Variants in MAP4K5 observed in about 807,000 individuals in gnomAD.
MAP4K5 encodes the protein mitogen-activated protein kinase kinase kinase kinase 5, also known as MAPK/ERK kinase kinase kinase 5.
In MAP4K5, 82 loss-of-function variants were observed where a neutral mutation model predicts 135.6. The observed-to-expected ratio is 0.60, with a 90% CI of 0.51 to 0.73. The LOEUF (loss-of-function observed/expected upper bound fraction) is 0.73, where lower values mean the gene tolerates loss of function less well. MAP4K5 is among the 30% of genes least tolerant of loss of function. MAP4K5 has a pLI of 0.00. For synonymous variants in MAP4K5, 347 were observed against 335.0 expected, an observed-to-expected ratio of 1.04 and a Z score of -0.39; for missense variants, 907 against 1,010.9, an observed-to-expected ratio of 0.90 and a Z score of 1.39.
At chr14:50,525,314 T>C (rs530264285) in intron 2 of MAP4K5, among the ~76,000 whole-genome samples, 192 of 152,356 alleles carry the variant, frequency 1.3e-3, no homozygotes, top group Non-Finnish European at 2.3e-3. Context: ...CCAGAAATTC[T>C]AAATGCCATC....
intron 21 of MAP4K5, among the ~76,000 whole-genome samples, chr14:50,441,797 C>CATAT (rs946929784): frequency 7.5e-6 from 1 of 132,520 alleles, no homozygotes; most frequent in African/African-American, 3.1e-5. Context: ...CACACACACA[C>CATAT]ATATATATAC....
intron 9 of MAP4K5, among the ~76,000 whole-genome samples, chr14:50,473,465 T>C (rs2037014661): frequency 7.2e-5 from 11 of 152,192 alleles, no homozygotes; most frequent in Non-Finnish European, 1.5e-5. Flanking sequence ...CTGCTTCTAA[T>C]GAGACATTCT....
At chr14:50,509,883 A>G (rs533989168) in intron 2 of MAP4K5, among the ~76,000 whole-genome samples, 47 of 152,326 alleles carry the variant, frequency 3.1e-4, no homozygotes, top group African/African-American at 6.0e-4. Context: ...AACATACAGT[A>G]TAAGTTTACA....
In MAP4K5 at chr14:50,444,044, GA is replaced by G; in HGVS notation, c.1340-9del. ...AAATACCATCACCATTTCCTAAAGA[GA>G]ATCATGTTAAAAGTTGAATGACCAC... On this transcript the variant is annotated splice_polypyrimidine_tract_variant and intron_variant, in intron 18 of 32. Coordinates refer to ENST00000682126, the MANE Select transcript of MAP4K5 (RefSeq NM_006575.6). The G allele has an allele frequency of 6.4e-7, 1 of 1,574,656 alleles. No individual in the cohort carries two copies. Among genetic ancestry groups the G allele is most frequent in the Non-Finnish European group, 8.7e-7 (1 of 1,152,724 alleles).
intron 23 of MAP4K5, among the ~76,000 whole-genome samples, chr14:50,439,307 A>G (rs919049168): frequency 6.6e-6 from 1 of 150,984 alleles, no homozygotes; most frequent in Admixed American, 6.6e-5. Context: ...AAAATATAAG[A>G]AAATATTTTT....
chr14:50,534,696 G>A (rs890031228), upstream of MAP4K5, among the ~76,000 whole-genome samples: 4 of 152,202 alleles, frequency 2.6e-5, no homozygotes, highest in Admixed American at 6.5e-5. Flanking sequence ...TTAAAAAGTC[G>A]AGACTCTATG....
At chr14:50,492,439 C>T (rs894564631) in intron 3 of MAP4K5, among the ~76,000 whole-genome samples, 1 of 151,652 alleles carries the variant, frequency 6.6e-6, no homozygotes, top group Non-Finnish European at 1.5e-5. Context: ...AAAAAAAACA[C>T]AAAAATTAGC....
intron 2 of MAP4K5, among the ~76,000 whole-genome samples, chr14:50,516,194 T>C (rs2038029630): frequency 6.6e-6 from 1 of 152,244 alleles, no homozygotes; most frequent in Non-Finnish European, 1.5e-5. Context: ...GTAAACTATC[T>C]GTGAAACATA....
chr14:50,506,532 T>C (rs1051826555), intron 2 of MAP4K5, among the ~76,000 whole-genome samples: 3 of 152,156 alleles, frequency 2.0e-5, no homozygotes, highest in African/African-American at 7.2e-5. Flanking sequence ...CTAACTGTTG[T>C]ACTTTTTGTA....
chr14:50,437,236 G>T (rs988531408), intron 26 of MAP4K5, among the ~76,000 whole-genome samples: 1 of 152,100 alleles, frequency 6.6e-6, no homozygotes, highest in Non-Finnish European at 1.5e-5. Context: ...CAGCCTCAGG[G>T]ACTATGGTTA....
At chr14:50,443,158 T>C (rs951378710) in intron 20 of MAP4K5, among the ~76,000 whole-genome samples, 6 of 152,206 alleles carry the variant, frequency 3.9e-5, no homozygotes, top group Non-Finnish European at 7.4e-5. Flanking sequence ...AGTAACATTA[T>C]AGTGATTACA....
chr14:50,451,792 T>C (rs2036493140), intron 14 of MAP4K5, among the ~76,000 whole-genome samples: 1 of 152,096 alleles, frequency 6.6e-6, no homozygotes, highest in African/African-American at 2.4e-5. Flanking sequence ...AAACAAAACG[T>C]GTCTTGAGTT....
chr14:50,545,654 C>A (rs1210440311), intron 1 of MAP4K5, among the ~76,000 whole-genome samples: 1 of 152,086 alleles, frequency 6.6e-6, no homozygotes, highest in Admixed American at 6.6e-5. Flanking sequence ...AAAATAGATA[C>A]AAAAGTTAAG....
intron 1 of MAP4K5, among the ~76,000 whole-genome samples, chr14:50,555,057 G>A (rs2038748827): frequency 6.6e-6 from 1 of 152,168 alleles, no homozygotes; most frequent in Admixed American, 6.5e-5. Flanking sequence ...GACATGGTAG[G>A]TCAATGGTAT....
At chr14:50,542,451 A>G (rs1052372006) in intron 2 of MAP4K5, 2 of 152,128 alleles carry the variant, frequency 1.3e-5, no homozygotes, top group Non-Finnish European at 2.9e-5. Flanking sequence ...CCCAGAACTT[A>G]AAGTAAAATT....
intron 3 of MAP4K5, among the ~76,000 whole-genome samples, chr14:50,487,412 A>C (rs17092838): frequency 0.01 from 1,590 of 152,322 alleles, 50 homozygotes; most frequent in East Asian, 0.087. Flanking sequence ...ATTCACGTAA[A>C]CATTAACTGA....
At chr14:50,494,780 A>G (rs183582109) in intron 3 of MAP4K5, among the ~76,000 whole-genome samples, 16 of 152,330 alleles carry the variant, frequency 1.1e-4, no homozygotes, top group African/African-American at 3.4e-4. Context: ...ACCCTCATGT[A>G]GTATATATGG....
chr14:50,455,209 T>C (rs1176577958), intron 14 of MAP4K5, among the ~76,000 whole-genome samples: 2 of 151,906 alleles, frequency 1.3e-5, no homozygotes, highest in Non-Finnish European at 2.9e-5. Context: ...AAATAATGTA[T>C]ATCAGGTTTT....
chr14:50,545,918 C>T (rs1233731306), intron 1 of MAP4K5, among the ~76,000 whole-genome samples: 1 of 152,168 alleles, frequency 6.6e-6, no homozygotes, highest in Non-Finnish European at 1.5e-5. Flanking sequence ...AAATGTTTCA[C>T]CTTCAGCTAT....
Sources: gnomAD v4.1 joint callset for allele counts (sites outside exome capture counted in the v4.1 genomes callset) on GRCh38, gnomAD v4.1.1 for gene constraint, MANE v1.5 for transcripts, NCBI Gene and HGNC (gene_info 2026-07-23, HGNC 2026-07-21) for gene names.